CACNA2D3: variants seen among roughly 807,000 people sequenced by gnomAD.
CACNA2D3 encodes calcium voltage-gated channel auxiliary subunit alpha2delta 3.
Under a neutral mutation model 160.6 loss-of-function variants are expected in CACNA2D3, and 60 were observed. The ratio of observed to expected loss-of-function variants is 0.37; its 90% CI spans 0.30 to 0.46. CACNA2D3 has a LOEUF of 0.46. Ranked by LOEUF, CACNA2D3 falls within the 20% of genes least tolerant of loss-of-function variation. The pLI is 1.00. For synonymous variants in CACNA2D3, 558 were observed against 492.9 expected (o/e 1.13, Z -1.75); for missense variants, 1,205 against 1,365.0 (o/e 0.88, Z 1.85).
intron 9 of CACNA2D3, among the ~76,000 whole-genome samples, chr3:54,618,268 G>C (rs1285697671): frequency 6.6e-6 from 1 of 150,452 alleles, no homozygotes; most frequent in Non-Finnish European, 1.5e-5. Context: ...GTTTACTATA[G>C]TAATGTTGAA....
intron 2 of CACNA2D3, among the ~76,000 whole-genome samples, chr3:54,245,043 T>C (rs1000470522): frequency 4.6e-5 from 7 of 152,206 alleles, no homozygotes; most frequent in Non-Finnish European, 7.3e-5. Context: ...TCTTTCATTC[T>C]GATTTACCCA....
intron 27 of CACNA2D3, among the ~76,000 whole-genome samples, chr3:54,967,963 C>T (rs1702186964): frequency 6.6e-6 from 1 of 152,172 alleles, no homozygotes; most frequent in Non-Finnish European, 1.5e-5. Flanking sequence ...TAAACTAAGA[C>T]ACATTATAGT....
chr3:54,308,262 G>A (rs1375676029), intron 2 of CACNA2D3, among the ~76,000 whole-genome samples: 1 of 152,204 alleles, frequency 6.6e-6, no homozygotes, highest in Admixed American at 6.5e-5. Flanking sequence ...CCATAGTGTT[G>A]ACTTGGAGCC....
At chr3:54,452,254 G>T (rs1700319634) in intron 4 of CACNA2D3, among the ~76,000 whole-genome samples, 2 of 152,192 alleles carry the variant, frequency 1.3e-5, no homozygotes, top group African/African-American at 4.8e-5. Context: ...GCAGGCAAGA[G>T]AGCTTGTGCA....
intron 31 of CACNA2D3, among the ~76,000 whole-genome samples, chr3:54,997,046 T>G (rs1333946153): frequency 2.6e-5 from 4 of 151,978 alleles, no homozygotes; most frequent in African/African-American, 4.8e-5. Flanking sequence ...AGGGGAGGGA[T>G]AGCATTAGGA....
At chr3:54,531,854 C>T (rs571982919) in intron 5 of CACNA2D3, among the ~76,000 whole-genome samples, 3 of 152,344 alleles carry the variant, frequency 2.0e-5, no homozygotes, top group South Asian at 2.1e-4. Flanking sequence ...GTTGTCACTG[C>T]GCTAGTCAGG....
At chr3:54,407,613 C>T (rs935720803) in intron 4 of CACNA2D3, among the ~76,000 whole-genome samples, 1 of 152,190 alleles carries the variant, frequency 6.6e-6, no homozygotes, top group Non-Finnish European at 1.5e-5. Context: ...GATCCAAACA[C>T]ACACTATCAT....
intron 9 of CACNA2D3, among the ~76,000 whole-genome samples, chr3:54,622,269 A>G (rs897753505): frequency 1.3e-5 from 2 of 152,136 alleles, no homozygotes; most frequent in Non-Finnish European, 2.9e-5. Flanking sequence ...CCCCCAGTTC[A>G]GTTTTTTGTT....
intron 10 of CACNA2D3, among the ~76,000 whole-genome samples, chr3:54,631,613 T>A (rs1699239793): frequency 6.6e-6 from 1 of 152,256 alleles, no homozygotes. Flanking sequence ...GTTACTATAA[T>A]TGAATGGAGT....
chr3:54,123,645 G>C (rs1203456311), intron 2 of CACNA2D3, 51 bp downstream of exon 2: 4 of 1,444,426 alleles, frequency 2.8e-6, no homozygotes, highest in Admixed American at 1.7e-5. Flanking sequence ...CACAGAAAAT[G>C]GAGGCAGATT....
intron 2 of CACNA2D3, among the ~76,000 whole-genome samples, chr3:54,136,004 C>T (rs1259416333): frequency 6.6e-6 from 1 of 152,222 alleles, no homozygotes; most frequent in Non-Finnish European, 1.5e-5. Flanking sequence ...GCCCTGAGCC[C>T]CATGCCTTGT....
intron 9 of CACNA2D3, among the ~76,000 whole-genome samples, chr3:54,609,825 T>C (rs998678743): frequency 5.3e-5 from 8 of 152,156 alleles, no homozygotes; most frequent in African/African-American, 9.7e-5. Flanking sequence ...GTTTTGTAGG[T>C]GGTGATTTGG....
chr3:54,400,225 G>T (rs1298162510), intron 4 of CACNA2D3, among the ~76,000 whole-genome samples: 1 of 149,902 alleles, frequency 6.7e-6, no homozygotes, highest in African/African-American at 2.5e-5. Flanking sequence ...GATGAACCCG[G>T]TACCTCAGAT....
chr3:54,895,286 G>A (rs1559620568), intron 25 of CACNA2D3, among the ~76,000 whole-genome samples: 1 of 152,318 alleles, frequency 6.6e-6, no homozygotes, highest in East Asian at 1.9e-4. Flanking sequence ...TGATCATTAA[G>A]CATACACCAA....
At chr3:54,778,275 C>G (rs536514390) in intron 13 of CACNA2D3, among the ~76,000 whole-genome samples, 1 of 152,246 alleles carries the variant, frequency 6.6e-6, no homozygotes, top group East Asian at 1.9e-4. Flanking sequence ...GGCCCCTTCT[C>G]CAACATTGGG....
intron 27 of CACNA2D3, among the ~76,000 whole-genome samples, chr3:54,932,075 G>C (rs1049889568): frequency 6.6e-6 from 1 of 152,014 alleles, no homozygotes; most frequent in Non-Finnish European, 1.5e-5. Flanking sequence ...TGAGCTACTC[G>C]GGAGGCTGAG....
At chr3:54,774,623 TTGAC>T (rs1189413255) in intron 13 of CACNA2D3, among the ~76,000 whole-genome samples, 1 of 145,798 alleles carries the variant, frequency 6.9e-6, no homozygotes, top group African/African-American at 2.5e-5. Context: ...GACTTGCTCT[TTGAC>T]TATTTTTTTT....
At chr3:54,526,024 GTTT>G (rs56257807) in intron 5 of CACNA2D3, among the ~76,000 whole-genome samples, 42,583 of 150,690 alleles carry the variant, frequency 0.28, 6,554 homozygotes, top group Non-Finnish European at 0.35. Flanking sequence ...CATTTTTTCT[GTTT>G]TTTTTAATTG....
intron 13 of CACNA2D3, among the ~76,000 whole-genome samples, chr3:54,815,221 C>T (rs1703420490): frequency 2.6e-5 from 4 of 152,296 alleles, no homozygotes; most frequent in African/African-American, 4.8e-5. Flanking sequence ...AAAACATCCT[C>T]ATATTTCCGT....
Sources: allele counts gnomAD v4.1 joint callset (sites outside exome capture counted in the v4.1 genomes callset), GRCh38; gene constraint gnomAD v4.1.1; transcripts MANE v1.5; gene names NCBI Gene and HGNC (gene_info 2026-07-23, HGNC 2026-07-21).